SPOCK3: variants seen among roughly 807,000 people sequenced by gnomAD.
SPOCK3 encodes testican-3.
Under a neutral mutation model 56.6 loss-of-function variants are expected in SPOCK3, and 30 were observed. The observed-to-expected ratio is 0.53, with a 90% CI of 0.40 to 0.72. The LOEUF is 0.72. SPOCK3 is among the 30% of genes least tolerant of loss of function. The probability of loss-of-function intolerance (pLI) is 0.00; values close to 1 mark genes in which losing one functional copy is unlikely to be tolerated. For synonymous variants in SPOCK3, 196 were observed against 183.3 expected, an observed-to-expected ratio of 1.07 and a Z score of -0.56; for missense variants, 527 against 530.0, an observed-to-expected ratio of 0.99 and a Z score of 0.06.
intron 7 of SPOCK3, among the ~76,000 whole-genome samples, chr4:166,771,390 T>C (rs1039226503): frequency 6.6e-6 from 1 of 152,026 alleles, no homozygotes; most frequent in Non-Finnish European, 1.5e-5. Flanking sequence ...AATTTCAAGG[T>C]AAATAGATTA....
chr4:167,053,087 G>A (rs1403759739), intron 3 of SPOCK3, among the ~76,000 whole-genome samples: 1 of 152,158 alleles, frequency 6.6e-6, no homozygotes, highest in Non-Finnish European at 1.5e-5. Context: ...TATTATATGT[G>A]AGACGTTTTG....
At chr4:167,069,729 C>T (rs967687295) in intron 2 of SPOCK3, among the ~76,000 whole-genome samples, 4 of 151,926 alleles carry the variant, frequency 2.6e-5, no homozygotes, top group African/African-American at 9.7e-5. Flanking sequence ...TCACGCAAAT[C>T]CTTCCAATGT....
At chr4:166,763,243 C>A (rs1163442579) in intron 7 of SPOCK3, among the ~76,000 whole-genome samples, 1 of 151,668 alleles carries the variant, frequency 6.6e-6, no homozygotes, top group Non-Finnish European at 1.5e-5. Flanking sequence ...GCTATGAAGC[C>A]CAGAAGACAA....
intron 2 of SPOCK3, among the ~76,000 whole-genome samples, chr4:167,065,254 G>A (rs1046699223): frequency 6.6e-6 from 1 of 151,664 alleles, no homozygotes. Flanking sequence ...CCAAGAAGGT[G>A]GAAACCGTGT....
chr4:167,098,324 G>C (rs1273926762), intron 2 of SPOCK3, among the ~76,000 whole-genome samples: 1 of 151,884 alleles, frequency 6.6e-6, no homozygotes, highest in Admixed American at 6.6e-5. Context: ...TAAGACTGCA[G>C]ACTTATAGGG....
At chr4:167,160,725 G>A (rs1765223292) in intron 2 of SPOCK3, among the ~76,000 whole-genome samples, 2 of 152,072 alleles carry the variant, frequency 1.3e-5, no homozygotes, top group Non-Finnish European at 2.9e-5. Flanking sequence ...AGAGCCCTCA[G>A]AAATAATGCC....
chr4:167,109,277 TAAG>T (rs1760600149), intron 2 of SPOCK3, among the ~76,000 whole-genome samples: 1 of 88,614 alleles, frequency 1.1e-5, no homozygotes, highest in Non-Finnish European at 1.9e-5. Context: ...TTATAAAAAT[TAAG>T]TATTAATTAT....
At chr4:167,010,018 T>C (rs1315162947) in intron 3 of SPOCK3, among the ~76,000 whole-genome samples, 1 of 152,106 alleles carries the variant, frequency 6.6e-6, no homozygotes, top group Non-Finnish European at 1.5e-5. Flanking sequence ...GTATAATTAT[T>C]AAAATTTAAC....
At chr4:167,138,592 T>C (rs1763296075) in intron 2 of SPOCK3, among the ~76,000 whole-genome samples, 1 of 151,894 alleles carries the variant, frequency 6.6e-6, no homozygotes, top group Non-Finnish European at 1.5e-5. Flanking sequence ...AGAAAATCTA[T>C]CTTTTGGATC....
chr4:167,226,241 GT>G (rs987972632), intron 2 of SPOCK3, among the ~76,000 whole-genome samples: 2 of 152,066 alleles, frequency 1.3e-5, no homozygotes, highest in Non-Finnish European at 2.9e-5. Context: ...CTCTGCTTTG[GT>G]TTTGACCTTC....
At chr4:166,941,796 G>A (rs1201684386) in intron 4 of SPOCK3, among the ~76,000 whole-genome samples, 2 of 152,104 alleles carry the variant, frequency 1.3e-5, no homozygotes, top group African/African-American at 4.8e-5. Context: ...GTGAGTTCCC[G>A]GGGCATAGTA....
chr4:166,960,062 ATCTT>A (rs1299336204), intron 4 of SPOCK3, among the ~76,000 whole-genome samples: 2 of 152,194 alleles, frequency 1.3e-5, no homozygotes, highest in Admixed American at 1.3e-4. Context: ...ATATATTTTT[ATCTT>A]TCTGATTATG....
At chr4:167,192,096 A>C (rs1732516397) in intron 2 of SPOCK3, among the ~76,000 whole-genome samples, 1 of 145,884 alleles carries the variant, frequency 6.9e-6, no homozygotes, top group South Asian at 2.1e-4. Flanking sequence ...TGATTGTTTT[A>C]TGTTGAACAA....
chr4:166,912,770 T>G, intron 4 of SPOCK3, 27 bp from the exon 5 acceptor site: 1 of 1,570,784 alleles, frequency 6.4e-7, no homozygotes, highest in Non-Finnish European at 8.6e-7. Context: ...GCAAGCATAT[T>G]GAGCATATTT....
chr4:167,019,846 A>C (rs1020686359), intron 3 of SPOCK3, among the ~76,000 whole-genome samples: 3 of 152,076 alleles, frequency 2.0e-5, no homozygotes, highest in Non-Finnish European at 4.4e-5. Context: ...ATGTGTACCA[A>C]TTTTAGACTC....
intron 6 of SPOCK3, among the ~76,000 whole-genome samples, chr4:166,796,292 A>G (rs1482012269): frequency 1.3e-5 from 2 of 152,212 alleles, no homozygotes; most frequent in African/African-American, 4.8e-5. Flanking sequence ...CATATCTGGC[A>G]ATATGAGTTG....
At chr4:167,135,704 T>C (rs1360643844) in intron 2 of SPOCK3, among the ~76,000 whole-genome samples, 2 of 151,440 alleles carry the variant, frequency 1.3e-5, no homozygotes, top group African/African-American at 4.9e-5. Flanking sequence ...TGTGTGTGTG[T>C]GTGTGTGTGT....
chr4:166,853,022 G>A (rs938070225), intron 6 of SPOCK3, among the ~76,000 whole-genome samples: 1 of 151,926 alleles, frequency 6.6e-6, no homozygotes. Flanking sequence ...TTCTAGGCTG[G>A]TTATTTTCTT....
rs1281099729 is a variant in SPOCK3 at position 166,775,963 on chromosome 4, G to GA, written c.709+16206dup. 2.0e-5 allele frequency among the ~76,000 whole-genome samples: 3 copies of GA among 152,086 alleles called. No homozygotes were observed. The East Asian group carries it at 5.8e-4, about 29-fold the overall frequency. On this transcript the variant is annotated intron_variant, in intron 7 of 10. Transcript: ENST00000357545. ...GGTACAGCAGGTGCTCTAGAACAGAGAAAAAAGAAAATAGTGCAAAGTGCC... is the reference window on the plus strand; with the variant it reads ...GGTACAGCAGGTGCTCTAGAACAGAGAAAAAAAGAAAATAGTGCAAAGTGCC...
Sources: allele counts gnomAD v4.1 joint callset (sites outside exome capture counted in the v4.1 genomes callset), GRCh38; gene constraint gnomAD v4.1.1; transcripts MANE v1.5; gene names NCBI Gene and HGNC (gene_info 2026-07-23, HGNC 2026-07-21).